The following OPRPN variants were observed in gnomAD, a reference collection of about 807,000 sequenced individuals.
OPRPN encodes the protein opiorphin prepropeptide.
In OPRPN, 1 loss-of-function variant was observed where a neutral mutation model predicts 2.2. The ratio of observed to expected loss-of-function variants is 0.45; its 90% CI spans 0.16 to 2.15. OPRPN has a LOEUF of 2.15. OPRPN is among the 30% of genes most tolerant of loss of function. The pLI is 0.28. For synonymous variants in OPRPN, 126 were observed against 111.5 expected (o/e 1.13, Z -0.82); for missense variants, 306 against 297.3 (o/e 1.03, Z -0.21).
chr4:70,399,191 A>T, intron 1 of OPRPN, 80 bp from the exon 2 acceptor site: 2 of 951,646 alleles, frequency 2.1e-6, no homozygotes, highest in Non-Finnish European at 3.2e-6. Context: ...AACAAGTGTT[A>T]AAATGTTTTA....
intron 1 of OPRPN, among the ~76,000 whole-genome samples, chr4:70,398,527 A>G (rs1732907580): frequency 6.6e-6 from 1 of 151,892 alleles, no homozygotes; most frequent in Non-Finnish European, 1.5e-5. Flanking sequence ...GGCTAATGCC[A>G]ATGACAGATA....
chr4:70,405,351 A>C (rs1282785050), intron 2 of OPRPN, among the ~76,000 whole-genome samples: 1 of 152,188 alleles, frequency 6.6e-6, no homozygotes, highest in Non-Finnish European at 1.5e-5. Context: ...ATTTGCTGTA[A>C]GGTGTAATTT....
chr4:70,409,085 A>G (rs1402626330), intron 2 of OPRPN, among the ~76,000 whole-genome samples: 1 of 152,180 alleles, frequency 6.6e-6, no homozygotes, highest in Non-Finnish European at 1.5e-5. Flanking sequence ...AATCAAGGTG[A>G]TTTGGTCCCT....
intron 2 of OPRPN, among the ~76,000 whole-genome samples, chr4:70,402,738 T>C (rs1362751664): frequency 6.6e-6 from 1 of 151,678 alleles, no homozygotes; most frequent in African/African-American, 2.4e-5. Flanking sequence ...AAAATGGCAT[T>C]TGATTAAAGA....
In OPRPN at chr4:70,409,680, A is replaced by G. The variant is rs778024902; in HGVS notation, c.352A>G (p.Arg118Gly). The change falls in exon 3 of 3, where the codon AGG (arginine) becomes GGG (glycine). Residue 118 changes from arginine to glycine, a missense_variant. Coordinates refer to ENST00000399575, the MANE Select transcript of OPRPN (RefSeq NM_021225.5). ...AAGACCTTACTATGTAGGACCTATT[A>G]GGATATTAAAACCCCCATTTCCTCC... ...PLRPYYVGPI[R>G]ILKPPFPPIP... The G allele has an allele frequency of 1.2e-6, 2 of 1,613,908 alleles. No individual in the cohort carries two copies. Among genetic ancestry groups the G allele is most frequent in the East Asian group, 2.2e-5 (1 of 44,886 alleles).
intron 2 of OPRPN, among the ~76,000 whole-genome samples, chr4:70,405,204 A>C (rs1733062993): frequency 6.6e-6 from 1 of 152,196 alleles, no homozygotes; most frequent in South Asian, 2.1e-4. Context: ...CTCCTTAAGA[A>C]GGCATTTTCA....
chr4:70,407,267 A>G (rs1005896727), intron 2 of OPRPN, among the ~76,000 whole-genome samples: 4 of 152,376 alleles, frequency 2.6e-5, no homozygotes, highest in African/African-American at 9.6e-5. Flanking sequence ...TCTTCTGGCC[A>G]TAAGGCCTAA....
At chr4:70,400,992 CT>C (rs1456127577) in intron 2 of OPRPN, among the ~76,000 whole-genome samples, 3 of 151,968 alleles carry the variant, frequency 2.0e-5, no homozygotes, top group African/African-American at 7.2e-5. Context: ...GAAATGCTGT[CT>C]TTGATTCTCT....
chr4:70,407,164 A>G (rs1733108461), intron 2 of OPRPN, among the ~76,000 whole-genome samples: 1 of 152,104 alleles, frequency 6.6e-6, no homozygotes, highest in Admixed American at 6.5e-5. Flanking sequence ...CAATATTCAC[A>G]TTTTAGTTCC....
Position 70,409,921 on chromosome 4 carries a change from C to T in OPRPN, c.593C>T (p.Ala198Val), listed in dbSNP as rs767022149. ...ACCTCCATATCAGCAGCAACCCCCGCAGCATCTACTGAAAATACTACTCAA... is the reference window on the plus strand; with the variant it reads ...ACCTCCATATCAGCAGCAACCCCCGTAGCATCTACTGAAAATACTACTCAA... Reference protein sequence around the residue: ...PATSISAATPAASTENTTQIL... With the variant: ...PATSISAATPVASTENTTQIL... Residue 198 changes from alanine (A) to valine (V), a missense_variant, in exon 3 of 3, where the codon GCA (alanine) becomes GTA (valine). Coordinates refer to ENST00000399575, the MANE Select transcript of OPRPN (RefSeq NM_021225.5). 1.4e-5 allele frequency: 23 copies of T among 1,614,048 alleles called. No homozygotes were observed. Among genetic ancestry groups the T allele is most frequent in the Non-Finnish European group, 1.9e-5 (22 of 1,179,954 alleles).
intron 2 of OPRPN, among the ~76,000 whole-genome samples, chr4:70,400,678 CA>C (rs1420663068): frequency 6.6e-6 from 1 of 151,812 alleles, no homozygotes; most frequent in Non-Finnish European, 1.5e-5. Context: ...GTTATAATTG[CA>C]TGAAATATAT....
chr4:70,402,028 T>C (rs1732993105), intron 2 of OPRPN, among the ~76,000 whole-genome samples: 1 of 152,042 alleles, frequency 6.6e-6, no homozygotes. Context: ...TAAAATACTT[T>C]ACAGAAAGGG....
intron 2 of OPRPN, among the ~76,000 whole-genome samples, chr4:70,403,199 G>A (rs573241927): frequency 7.9e-5 from 12 of 152,168 alleles, no homozygotes; most frequent in Non-Finnish European, 1.5e-4. Flanking sequence ...ATGACTGTCA[G>A]AGGATACAAG....
chr4:70,400,976 A>G (rs1196531058), intron 2 of OPRPN, among the ~76,000 whole-genome samples: 2 of 152,002 alleles, frequency 1.3e-5, no homozygotes, highest in Admixed American at 1.3e-4. Flanking sequence ...AGAGACAATA[A>G]TAGAGGAAAT....
intron 2 of OPRPN, among the ~76,000 whole-genome samples, chr4:70,406,819 T>C (rs1733099370): frequency 6.6e-6 from 1 of 152,146 alleles, no homozygotes; most frequent in East Asian, 1.9e-4. Context: ...AGGGCTGCCT[T>C]AGTTTGCTGC....
intron 2 of OPRPN, among the ~76,000 whole-genome samples, chr4:70,402,339 CAG>C (rs1362043895): frequency 1.3e-5 from 2 of 152,030 alleles, no homozygotes; most frequent in African/African-American, 4.8e-5. Flanking sequence ...AGAAATCAAA[CAG>C]AGAAAGGCTG....
rs374133764 is a variant in OPRPN at position 70,409,710 on chromosome 4, C to A, written c.382C>A (p.Pro128Thr). 2 of 1,613,530 alleles carry A rather than the reference C, an allele frequency of 1.2e-6. No homozygotes were observed. Among genetic ancestry groups the A allele is most frequent in the Non-Finnish European group, 1.7e-6 (2 of 1,179,554 alleles). ...ATTAAAACCCCCATTTCCTCCTATT[C>A]CTTTTTTTCTTGCTATTTACCTTCC... is the stretch of plus-strand genomic sequence containing the variant. ...RILKPPFPPI[P>T]FFLAIYLPIS... Residue 128 changes from proline to threonine, a missense_variant, in exon 3 of 3, where the codon CCT becomes ACT. Coordinates refer to ENST00000399575, the MANE Select transcript of OPRPN (RefSeq NM_021225.5).
intron 2 of OPRPN, among the ~76,000 whole-genome samples, chr4:70,403,970 A>G (rs1371922788): frequency 6.6e-6 from 1 of 152,162 alleles, no homozygotes; most frequent in African/African-American, 2.4e-5. Context: ...ACTAGCACAT[A>G]AATATGAGGT....
chr4:70,401,721 C>T (rs1732987815), intron 2 of OPRPN, among the ~76,000 whole-genome samples: 1 of 152,032 alleles, frequency 6.6e-6, no homozygotes, highest in Non-Finnish European at 1.5e-5. Context: ...ATTGGATAGG[C>T]TATATGAAGT....
Sources: gnomAD v4.1 joint callset for allele counts (sites outside exome capture counted in the v4.1 genomes callset) on GRCh38, gnomAD v4.1.1 for gene constraint, MANE v1.5 for transcripts, NCBI Gene and HGNC (gene_info 2026-07-23, HGNC 2026-07-21) for gene names.